The following ENOX2 variants were observed in gnomAD, a reference collection of about 807,000 sequenced individuals.
The protein encoded by ENOX2 is APK1 antigen.
A neutral mutation model predicts 45.0 loss-of-function variants in ENOX2; 36 were observed. That is an observed-to-expected ratio of 0.80 (90% CI 0.61 to 1.06). The LOEUF is 1.06. ENOX2 is among the 50% of genes least tolerant of loss of function. ENOX2 has a pLI of 0.00. For missense variants in ENOX2, 423 were observed against 462.5 expected (o/e 0.91, Z 0.78); for synonymous variants, 174 against 152.3 (o/e 1.14, Z -1.05).
chrX:130,675,625 G>T (rs1269759555), intron 6 of ENOX2, among the ~76,000 whole-genome samples: 1 of 111,982 alleles, frequency 8.9e-6, no homozygotes, highest in African/African-American at 3.3e-5. Context: ...TCTATAGAAA[G>T]GAAGGAAGAG....
At chrX:130,870,347 T>C (rs892945250) in intron 2 of ENOX2, among the ~76,000 whole-genome samples, 6 of 112,448 alleles carry the variant, frequency 5.3e-5, no homozygotes, top group Admixed American at 9.4e-5. Flanking sequence ...TTTCGTAAAT[T>C]GAGCATTAAG....
intron 2 of ENOX2, among the ~76,000 whole-genome samples, chrX:130,819,675 G>A (rs2077559784): frequency 9.0e-6 from 1 of 111,277 alleles, no homozygotes; most frequent in Admixed American, 9.5e-5. Context: ...GTTGAACAAT[G>A]AGAACACATG....
chrX:130,898,505 CGTGTGT>C (rs749676899), intron 2 of ENOX2, among the ~76,000 whole-genome samples: 4 of 108,229 alleles, frequency 3.7e-5, no homozygotes, highest in Non-Finnish European at 7.7e-5. Flanking sequence ...TGTGTGTGTG[CGTGTGT>C]GTGTGTGTAT....
intron 2 of ENOX2, among the ~76,000 whole-genome samples, chrX:130,830,674 A>T (rs1178687644): frequency 8.9e-6 from 1 of 112,082 alleles, no homozygotes; most frequent in Non-Finnish European, 1.9e-5. Flanking sequence ...CATTCCATAT[A>T]TTCCAACCAT....
chrX:130,862,537 C>T (rs956111936), intron 2 of ENOX2, among the ~76,000 whole-genome samples: 1 of 110,317 alleles, frequency 9.1e-6, no homozygotes, highest in Non-Finnish European at 1.9e-5. Context: ...TTATCACCTT[C>T]CAGCTATATA....
At chrX:130,691,301 C>T (rs762761292) in intron 4 of ENOX2, among the ~76,000 whole-genome samples, 1 of 111,711 alleles carries the variant, frequency 9.0e-6, no homozygotes, top group Non-Finnish European at 1.9e-5. Flanking sequence ...AGAGATAGTA[C>T]TGATAGGTAA....
chrX:130,734,091 C>G (rs1794851663), intron 3 of ENOX2, among the ~76,000 whole-genome samples: 1 of 112,439 alleles, frequency 8.9e-6, no homozygotes, highest in Non-Finnish European at 1.9e-5. Flanking sequence ...GGATTTCTAG[C>G]TTGGCAGGCG....
intron 11 of ENOX2, 121 bp from the exon 12 acceptor site, chrX:130,635,212 A>G: frequency 5.1e-6 from 2 of 393,847 alleles, no homozygotes; most frequent in South Asian, 5.6e-5. Context: ...ACACACGACC[A>G]TTTTTCCATA....
At chrX:130,727,724 T>A (rs1158044143) in intron 3 of ENOX2, among the ~76,000 whole-genome samples, 1 of 112,109 alleles carries the variant, frequency 8.9e-6, no homozygotes, top group African/African-American at 3.2e-5. Flanking sequence ...TCTTCTGTTT[T>A]CTCTTGGGGC....
chrX:130,740,000 T>C (rs1033188137), intron 3 of ENOX2, among the ~76,000 whole-genome samples: 4 of 112,141 alleles, frequency 3.6e-5, no homozygotes, highest in South Asian at 3.7e-4. Context: ...AATTGATCAT[T>C]ATATATCTAG....
In ENOX2 at chrX:130,766,624, G is replaced by A. The variant is rs187440666; in HGVS notation, c.-39+16923C>T. ...GTAATTGATCTTGTATATATGGTGG[G>A]AGGCAGGTTTTATTTTCATTTTTCT... On this transcript the variant is annotated intron_variant, in intron 3 of 14. Coordinates refer to ENST00000394363, the MANE Select transcript of ENOX2 (RefSeq NM_006375.4). 4.0e-3 allele frequency among the ~76,000 whole-genome samples: 443 copies of A among 111,167 alleles called. 2 individuals are homozygous for A. Among genetic ancestry groups the A allele is most frequent in the African/African-American group, 0.014 (417 of 30,704 alleles).
At chrX:130,665,346 C>A (rs2036804641) in intron 9 of ENOX2, among the ~76,000 whole-genome samples, 1 of 112,007 alleles carries the variant, frequency 8.9e-6, no homozygotes, top group African/African-American at 3.2e-5. Context: ...TATTGTTGTA[C>A]CCAAGACTAG....
At chrX:130,888,827 T>G (rs895835557) in intron 2 of ENOX2, among the ~76,000 whole-genome samples, 1 of 112,021 alleles carries the variant, frequency 8.9e-6, no homozygotes, top group Admixed American at 9.5e-5. Context: ...AAAAGTTTAT[T>G]AAAGAGACTG....
intron 6 of ENOX2, among the ~76,000 whole-genome samples, chrX:130,670,624 T>C (rs1216608012): frequency 3.6e-5 from 4 of 110,400 alleles, no homozygotes; most frequent in Non-Finnish European, 1.9e-5. Context: ...GTGTCCATTA[T>C]ACTATCACAA....
chrX:130,875,807 T>C (rs2078688021), intron 2 of ENOX2, among the ~76,000 whole-genome samples: 1 of 111,912 alleles, frequency 8.9e-6, no homozygotes, highest in Non-Finnish European at 1.9e-5. Context: ...CTGTGCTTTA[T>C]CAAAATTAGA....
chrX:130,745,254 G>A (rs929788810), intron 3 of ENOX2, among the ~76,000 whole-genome samples: 1 of 111,934 alleles, frequency 8.9e-6, no homozygotes, highest in Non-Finnish European at 1.9e-5. Context: ...TTCAAACACA[G>A]GTATTTCTGC....
At chrX:130,893,135 T>C (rs961303931) in intron 2 of ENOX2, among the ~76,000 whole-genome samples, 1 of 112,292 alleles carries the variant, frequency 8.9e-6, no homozygotes, top group African/African-American at 3.2e-5. Context: ...TAACAATTGG[T>C]GAATCTGAGC....
chrX:130,826,023 T>A (rs1484375351), intron 2 of ENOX2, among the ~76,000 whole-genome samples: 1 of 111,311 alleles, frequency 9.0e-6, no homozygotes, highest in East Asian at 2.8e-4. Context: ...TAGCATTATA[T>A]AAGGTTCAGT....
intron 5 of ENOX2, among the ~76,000 whole-genome samples, chrX:130,680,987 T>C (rs942024236): frequency 1.8e-5 from 2 of 111,973 alleles, no homozygotes; most frequent in Non-Finnish European, 3.8e-5. Context: ...TTTCCCTGTA[T>C]TTGGTCAAAA....
Sources: allele counts gnomAD v4.1 joint callset (sites outside exome capture counted in the v4.1 genomes callset), GRCh38; gene constraint gnomAD v4.1.1; transcripts MANE v1.5; gene names NCBI Gene and HGNC (gene_info 2026-07-23, HGNC 2026-07-21).